SEPSECS: variants seen among roughly 807,000 people sequenced by gnomAD.
SEPSECS encodes Sep (O-phosphoserine) tRNA:Sec (selenocysteine) tRNA synthase, also known as O-phosphoseryl-tRNA(Sec) selenium transferase.
In SEPSECS, 42 loss-of-function variants were observed where a neutral mutation model predicts 52.1. The ratio of observed to expected loss-of-function variants is 0.81; its 90% confidence interval spans 0.63 to 1.04. The LOEUF is 1.04. Among genes scored for constraint, SEPSECS ranks in the 50% least tolerant of loss-of-function variants. SEPSECS has a pLI of 0.00. For missense variants in SEPSECS, 590 were observed against 610.6 expected (o/e 0.97, Z 0.36); for synonymous variants, 216 against 211.4 (o/e 1.02, Z -0.19).
At chr4:25,156,423 G>A (rs1428715006) in intron 3 of SEPSECS, among the ~76,000 whole-genome samples, 2 of 151,038 alleles carry the variant, frequency 1.3e-5, no homozygotes, top group South Asian at 2.1e-4. Context: ...AAGTCTTTTC[G>A]GCCGGGCGCG....
chr4:25,123,598 A>T lies in SEPSECS; in HGVS notation c.*333T>A. On this transcript the variant is annotated 3_prime_UTR_variant, in exon 11 of 11. Coordinates refer to ENST00000382103, the MANE Select transcript of SEPSECS (RefSeq NM_016955.4). ...AAACGGTAAAGAATGGTTAGGAGGA[A>T]GCACTCTACATTTCAAAGAGAATTG... is the stretch of plus-strand genomic sequence containing the variant. The T allele has an allele frequency of 3.3e-6, 1 of 305,378 alleles. No individual in the cohort carries two copies. The highest frequency in any genetic ancestry group is 6.3e-6 in the Non-Finnish European group (1 of 159,440). The allele number at this position is 305,378 out of a possible 1,614,324, so 18.9% of individuals were successfully genotyped here.
At chr4:25,156,487 G>A (rs1188787690) in intron 3 of SEPSECS, among the ~76,000 whole-genome samples, 7 of 151,610 alleles carry the variant, frequency 4.6e-5, no homozygotes, top group East Asian at 1.9e-4. Flanking sequence ...GGCGGATCAC[G>A]AGGTCAGGAG....
At chr4:25,159,188 T>C (rs556978452) in intron 1 of SEPSECS, 81 bp from the exon 2 acceptor site, 1 of 1,252,418 alleles carries the variant, frequency 8.0e-7, no homozygotes, top group African/African-American at 1.5e-5. Flanking sequence ...AGTTTTTCTT[T>C]TTAACGTGTA....
At chr4:25,159,606 T>C in intron 1 of SEPSECS, 1 of 389,944 alleles carries the variant, frequency 2.6e-6, no homozygotes, top group Admixed American at 2.9e-5. Flanking sequence ...ACCCCATCTC[T>C]ACTAAAAATA....
At position 25,140,719 on chromosome 4, in the gene SEPSECS, T is replaced by C. The variant is rs140637328; in HGVS notation, c.1026+4055A>G. Among the ~76,000 whole-genome samples the C allele has an allele frequency of 5.1e-4, 78 of 152,294 alleles. 1 individual carries two copies. In the East Asian group the frequency reaches 8.3e-3, roughly 16 times the overall value. ...TATGGTATTTGTATAAACACAAACT[T>C]TGCATGGAAAGACTATGTTAAGAAT... On this transcript the variant is annotated intron_variant, in intron 8 of 10. Coordinates refer to ENST00000382103, the MANE Select transcript of SEPSECS (RefSeq NM_016955.4).
intron 8 of SEPSECS, among the ~76,000 whole-genome samples, chr4:25,143,066 T>G (rs1392238611): frequency 1.3e-5 from 2 of 152,244 alleles, no homozygotes; most frequent in Non-Finnish European, 2.9e-5. Flanking sequence ...ATCTGACATA[T>G]GGATCTGTTT....
intron 2 of SEPSECS, among the ~76,000 whole-genome samples, chr4:25,158,663 TA>T (rs1302654096): frequency 4.6e-5 from 7 of 151,890 alleles, no homozygotes; most frequent in African/African-American, 1.5e-4. Context: ...TACAACCAGA[TA>T]TGTTTATTAG....
At chr4:25,148,422 T>C (rs927711737) in intron 6 of SEPSECS, among the ~76,000 whole-genome samples, 1 of 148,256 alleles carries the variant, frequency 6.7e-6, no homozygotes, top group Non-Finnish European at 1.5e-5. Context: ...GTAAATGGTA[T>C]ATATTAACAA....
intron 6 of SEPSECS, among the ~76,000 whole-genome samples, chr4:25,145,528 T>C (rs1275656488): frequency 3.9e-5 from 6 of 152,218 alleles, no homozygotes; most frequent in Admixed American, 2.0e-4. Flanking sequence ...ATAACAACTC[T>C]GTGAGGCAAG....
intron 8 of SEPSECS, among the ~76,000 whole-genome samples, chr4:25,141,182 G>C (rs901198708): frequency 1.3e-5 from 2 of 152,002 alleles, no homozygotes; most frequent in African/African-American, 4.8e-5. Context: ...CACCATTCTT[G>C]GTCTTCCTCC....
intron 9 of SEPSECS, among the ~76,000 whole-genome samples, chr4:25,126,166 A>G (rs1241675959): frequency 6.6e-6 from 1 of 152,166 alleles, no homozygotes; most frequent in African/African-American, 2.4e-5. Flanking sequence ...CAAATTCTGC[A>G]TATAGAAATG....
Position 25,138,870 on chromosome 4 carries a change from T to G in SEPSECS, c.1026+5904A>C, listed in dbSNP as rs181498691. Among the ~76,000 whole-genome samples, 841 of 152,342 alleles carry G rather than the reference T, an allele frequency of 5.5e-3. 7 individuals carry two copies. Among genetic ancestry groups the G allele is most frequent in the Non-Finnish European group, 6.9e-3 (470 of 68,026 alleles). The stretch of plus-strand genomic sequence containing the variant: ...CCTTCTGATCTAATGAATCTGAATC[T>G]ACCCTAAAGGAAAGCTAATTTTATA... On this transcript the variant is annotated intron_variant, in intron 8 of 10. Coordinates refer to ENST00000382103, the MANE Select transcript of SEPSECS (RefSeq NM_016955.4).
At chr4:25,124,625 TAC>T (rs926310929) in intron 10 of SEPSECS, among the ~76,000 whole-genome samples, 2 of 152,152 alleles carry the variant, frequency 1.3e-5, no homozygotes, top group African/African-American at 2.4e-5. Context: ...ACTTCATATA[TAC>T]ACACTTTACT....
At chr4:25,126,483 T>C (rs1305507204) in intron 9 of SEPSECS, among the ~76,000 whole-genome samples, 1 of 152,216 alleles carries the variant, frequency 6.6e-6, no homozygotes, top group African/African-American at 2.4e-5. Flanking sequence ...TAAAAAAGGC[T>C]TCAGCTACAA....
chr4:25,143,329 C>A (rs770639802), intron 8 of SEPSECS, among the ~76,000 whole-genome samples: 4 of 152,138 alleles, frequency 2.6e-5, no homozygotes, highest in Non-Finnish European at 5.9e-5. Flanking sequence ...CGTTTCATCA[C>A]CCTAAAAAGT....
intron 6 of SEPSECS, among the ~76,000 whole-genome samples, chr4:25,148,247 G>A (rs1712095100): frequency 6.6e-6 from 1 of 151,958 alleles, no homozygotes; most frequent in Non-Finnish European, 1.5e-5. Context: ...CAGCTACTCG[G>A]GAGGCTGAGG....
Position 25,159,110 on chromosome 4 carries a change from T to TAAAAA in SEPSECS, c.115-8_115-4dup. On this transcript the variant is annotated splice_region_variant and splice_polypyrimidine_tract_variant and intron_variant, in intron 1 of 10. Transcript: ENST00000382103. ...CAGCCATTCTCTGGACACTTGCCCT[T>TAAAAA]AAAAAAAAAAAAAAACTTATGATTA... The TAAAAA allele has an allele frequency of 1.4e-5, 20 of 1,461,814 alleles. No homozygotes were observed. The highest frequency in any genetic ancestry group is 3.0e-5 in the African/African-American group (2 of 66,780). The allele number at this position is 1,461,814 out of a possible 1,614,324, so 90.6% of individuals were successfully genotyped here.
rs147623769 is a variant in SEPSECS, at chr4:25,124,093, G to T, written c.1344C>A (p.Asp448Glu). The T allele has an allele frequency of 1.8e-5, 29 of 1,613,592 alleles. No individual in the cohort carries two copies. The African/African-American group carries it at 3.3e-4, about 19-fold the overall frequency. Residue 448 changes from aspartate to glutamate, a missense_variant, in exon 11 of 11, where the codon GAC becomes GAA. Physicochemically the swap from Asp to Glu is conservative, Grantham distance 45. Coordinates refer to ENST00000382103, the MANE Select transcript of SEPSECS (RefSeq NM_016955.4). Reference protein sequence around the residue: ...SAIGMKMQDVDLFIKRLDRCL... With the variant: ...SAIGMKMQDVELFIKRLDRCL... ...ACCTGTCAAGTCTCTTTATGAACAG[G>T]TCCACATCCTGCATCTTCATTCCGA...
chr4:25,134,912 C>G (rs1384487532), intron 8 of SEPSECS, among the ~76,000 whole-genome samples: 4 of 152,106 alleles, frequency 2.6e-5, no homozygotes, highest in Non-Finnish European at 5.9e-5. Flanking sequence ...TTAAGAAACT[C>G]ACTCAAAACC....
Sources: gnomAD v4.1 joint callset for allele counts (sites outside exome capture counted in the v4.1 genomes callset) on GRCh38, gnomAD v4.1.1 for gene constraint, MANE v1.5 for transcripts, NCBI Gene and HGNC (gene_info 2026-07-23, HGNC 2026-07-21) for gene names.